Variants in KANK1 observed in about 807,000 individuals in gnomAD.
The protein encoded by KANK1 is KN motif and ankyrin repeat domains 1, also known as KN motif and ankyrin repeat domain-containing protein 1.
Under a neutral mutation model 106.2 loss-of-function variants are expected in KANK1, and 109 were observed. The ratio of observed to expected loss-of-function variants is 1.03; its 90% CI spans 0.88 to 1.20. KANK1 has a LOEUF of 1.20. Ranked by LOEUF, KANK1 falls within the 50% of genes most tolerant of loss-of-function variation. The pLI, the probability that KANK1 is intolerant of heterozygous loss-of-function variation, is 0.00. For missense variants in KANK1, 2,399 were observed against 1,710.7 expected (o/e 1.40, Z -7.10); for synonymous variants, 873 against 652.2 (o/e 1.34, Z -5.16).
chr9:701,180 C>G (rs1041249604), intron 2 of KANK1, among the ~76,000 whole-genome samples: 1 of 152,152 alleles, frequency 6.6e-6, no homozygotes, highest in African/African-American at 2.4e-5. Context: ...ATGTCATGAT[C>G]TTGGCTCACC....
At chr9:619,704 A>G (rs1563873112) in intron 1 of KANK1, among the ~76,000 whole-genome samples, 1 of 152,194 alleles carries the variant, frequency 6.6e-6, no homozygotes, top group Non-Finnish European at 1.5e-5. Context: ...GTAATTTTCA[A>G]GGATTTAATA....
At chr9:566,366 G>A (rs1026692184) in intron 1 of KANK1, among the ~76,000 whole-genome samples, 2 of 152,150 alleles carry the variant, frequency 1.3e-5, no homozygotes, top group African/African-American at 4.8e-5. Flanking sequence ...TTCTTTTGGT[G>A]TACACCCAGT....
At chr9:492,499 C>T (rs1409547862) in intron 3 of KANK1, among the ~76,000 whole-genome samples, 9 of 152,104 alleles carry the variant, frequency 5.9e-5, no homozygotes, top group Admixed American at 1.3e-4. Flanking sequence ...TAAATGCATC[C>T]TTTAGAGCTG....
chr9:652,546 A>G (rs190504519), intron 1 of KANK1, among the ~76,000 whole-genome samples: 3 of 152,324 alleles, frequency 2.0e-5, no homozygotes, highest in Admixed American at 2.0e-4. Flanking sequence ...AAGTGTTTGC[A>G]GTGTGAAGAA....
intron 1 of KANK1, among the ~76,000 whole-genome samples, chr9:543,987 T>G (rs1267857385): frequency 1.3e-5 from 2 of 152,110 alleles, no homozygotes; most frequent in East Asian, 3.8e-4. Context: ...TTAGTAAATA[T>G]AACATTTCAT....
rs773548788 is a variant in KANK1, at chr9:710,869, A to G, written c.103A>G (p.Thr35Ala). 3.1e-6 allele frequency: 5 copies of G among 1,613,528 alleles called. No homozygotes were observed. The Admixed American group carries it at 6.7e-5, about 22-fold the overall frequency. ...KEQKDPYFVETPYGYQLDLDF... is the reference protein window; with the variant it reads ...KEQKDPYFVEAPYGYQLDLDF... ...ACAGAAAGACCCTTACTTTGTGGAG[A>G]CCCCCTATGGTTATCAACTAGACTT... is the stretch of plus-strand genomic sequence containing the variant. Residue 35 changes from threonine to alanine, a missense_variant, in exon 3 of 12, where the codon ACC becomes GCC. Thr to Ala is a moderately conservative substitution (Grantham distance 58). Coordinates refer to ENST00000382297, the MANE Select transcript of KANK1 (RefSeq NM_015158.5).
intron 1 of KANK1, among the ~76,000 whole-genome samples, chr9:642,134 G>A (rs1838600982): frequency 6.6e-6 from 1 of 152,168 alleles, no homozygotes; most frequent in African/African-American, 2.4e-5. Flanking sequence ...TTGGATTTCT[G>A]TGCGGATTAA....
At chr9:728,137 A>T (rs56161822) in intron 3 of KANK1, among the ~76,000 whole-genome samples, 11,601 of 152,176 alleles carry the variant, frequency 0.076, 1,108 homozygotes, top group African/African-American at 0.21. Flanking sequence ...CTAAAAGAAA[A>T]TGAAGTATTT....
chr9:710,015 G>A lies in KANK1; in HGVS notation c.38-789G>A, dbSNP rs370679451. Among the ~76,000 whole-genome samples, 7 of 152,262 alleles carry A rather than the reference G, an allele frequency of 4.6e-5. No individual in the cohort carries two copies. In the East Asian group the frequency reaches 1.4e-3, roughly 29 times the overall value. The stretch of plus-strand genomic sequence containing the variant: ...ATCTCTGAGTACTGATGGACATAAA[G>A]ATGGAAAAAGATGGAAATAGTAGAC... On this transcript the variant is annotated intron_variant, in intron 2 of 11. Transcript: ENST00000382297.
intron 3 of KANK1, among the ~76,000 whole-genome samples, chr9:713,686 CG>C (rs1826867731): frequency 6.6e-6 from 1 of 152,124 alleles, no homozygotes; most frequent in African/African-American, 2.4e-5. Context: ...TGAGGACTAA[CG>C]CTGGAAGAAA....
chr9:744,749 C>CA, intron 11 of KANK1, 160 bp downstream of exon 11: 1 of 1,506,602 alleles, frequency 6.6e-7, no homozygotes, highest in African/African-American at 1.4e-5. Flanking sequence ...CTCCACCCCG[C>CA]AAAAAGCAGG....
At chr9:676,729 C>A (rs776302954) in intron 1 of KANK1, among the ~76,000 whole-genome samples, 161 bp from the exon 2 acceptor site, 2 of 152,210 alleles carry the variant, frequency 1.3e-5, no homozygotes, top group African/African-American at 4.8e-5. Context: ...TATCTCCATA[C>A]TGCCAGGTCC....
At chr9:515,392 A>G (rs1015394046) in intron 1 of KANK1, among the ~76,000 whole-genome samples, 14 of 151,006 alleles carry the variant, frequency 9.3e-5, no homozygotes, top group Non-Finnish European at 2.1e-4. Flanking sequence ...TCATCTAGAG[A>G]CATTGTATCA....
At chr9:576,169 A>T (rs867289751) in intron 1 of KANK1, among the ~76,000 whole-genome samples, 1 of 152,164 alleles carries the variant, frequency 6.6e-6, no homozygotes, top group Admixed American at 6.5e-5. Context: ...GGAGTCTAGG[A>T]ATCTGTGTTT....
intron 2 of KANK1, chr9:684,453 TAAG>T: frequency 1.0e-6 from 1 of 985,422 alleles, no homozygotes; most frequent in Non-Finnish European, 1.2e-6. Context: ...TTCGCTGTGT[TAAG>T]AACTCGAGCT....
intron 1 of KANK1, among the ~76,000 whole-genome samples, chr9:581,564 G>A (rs1822169986): frequency 1.3e-5 from 2 of 152,132 alleles, no homozygotes; most frequent in Non-Finnish European, 2.9e-5. Flanking sequence ...ATTTGAATTG[G>A]GAATGAATCT....
rs149503901 is a variant in KANK1 at position 574,575 on chromosome 9, A to C, written c.-84+69821A>C. 4.8e-3 allele frequency among the ~76,000 whole-genome samples: 730 copies of C among 152,160 alleles called. 9 individuals are homozygous for C. Among genetic ancestry groups the C allele is most frequent in the African/African-American group, 0.016 (676 of 41,524 alleles). ...GTAATGTTTGAAAATATTCTTTCTC[A>C]GCCGCGCGTGGTGGCTTATGCCTGT... On this transcript the variant is annotated intron_variant, in intron 1 of 11. Transcript: ENST00000382297.
intron 1 of KANK1, among the ~76,000 whole-genome samples, chr9:619,675 T>C (rs1016205128): frequency 1.8e-4 from 28 of 152,200 alleles, no homozygotes; most frequent in African/African-American, 6.8e-4. Context: ...AATGCAGATG[T>C]TCGTAGATCA....
chr9:528,311 T>C (rs1203872747), intron 1 of KANK1, among the ~76,000 whole-genome samples: 1 of 151,902 alleles, frequency 6.6e-6, no homozygotes, highest in African/African-American at 2.4e-5. Flanking sequence ...CCTCTTTTCA[T>C]TGAATTTGCA....
Sources: allele counts gnomAD v4.1 joint callset (sites outside exome capture counted in the v4.1 genomes callset), GRCh38; gene constraint gnomAD v4.1.1; transcripts MANE v1.5; gene names NCBI Gene and HGNC (gene_info 2026-07-23, HGNC 2026-07-21).